The following HPS4 variants were observed in gnomAD, a reference collection of about 807,000 sequenced individuals.
HPS4 encodes HPS4 biogenesis of lysosomal organelles complex 3 subunit 2, also known as BLOC-3 complex member HPS4.
HPS4 carries 44 observed loss-of-function variants against 70.3 expected under a neutral mutation model. The ratio of observed to expected loss-of-function variants is 0.63; its 90% CI spans 0.49 to 0.80. The LOEUF is 0.80. Ranked by LOEUF, HPS4 falls within the 30% of genes least tolerant of loss-of-function variation. The probability of loss-of-function intolerance (pLI) is 0.00; values close to 1 mark genes in which losing one functional copy is unlikely to be tolerated. For synonymous variants in HPS4, 377 were observed against 355.9 expected, an observed-to-expected ratio of 1.06 and a Z score of -0.67; for missense variants, 873 against 884.4, an observed-to-expected ratio of 0.99 and a Z score of 0.16.
chr22:26,458,227 C>G (rs1250943974), intron 12 of HPS4, among the ~76,000 whole-genome samples: 2 of 152,284 alleles, frequency 1.3e-5, no homozygotes, highest in African/African-American at 4.8e-5. Context: ...TCTCAAAACA[C>G]TGGGAAACGC....
At chr22:26,469,079 A>T (rs1436498699) in intron 7 of HPS4, among the ~76,000 whole-genome samples, 1 of 152,116 alleles carries the variant, frequency 6.6e-6, no homozygotes, top group Non-Finnish European at 1.5e-5. Flanking sequence ...ATATATGCAT[A>T]CATGTACCAG....
At chr22:26,471,326 T>C (rs1602007676) in intron 6 of HPS4, 1 of 455,408 alleles carries the variant, frequency 2.2e-6, no homozygotes, top group Middle Eastern at 3.3e-4. Flanking sequence ...ATCATGCTCT[T>C]TCACTCGGGG....
chr22:26,453,478 A>C (rs898667711), intron 13 of HPS4, 74 bp from the exon 14 acceptor site: 1 of 1,542,708 alleles, frequency 6.5e-7, no homozygotes, highest in Non-Finnish European at 8.9e-7. Flanking sequence ...GACCTCAGTA[A>C]GGTTCTTGTC....
At chr22:26,456,415 C>T (rs2086146393) in intron 13 of HPS4, among the ~76,000 whole-genome samples, 1 of 152,212 alleles carries the variant, frequency 6.6e-6, no homozygotes, top group South Asian at 2.1e-4. Context: ...AATCCCAGCA[C>T]TTTGGAAGGC....
Position 26,464,266 on chromosome 22 carries a change from A to C in HPS4, c.1364T>G (p.Ile455Ser). ...DHPGHSSQAPIPRADPLPRRT... is the reference protein window; with the variant it reads ...DHPGHSSQAPSPRADPLPRRT... ...TCTGGGGAGAGGGTCTGCTCTGGGA[A>C]TGGGGGCTTGGCTGCTATGGCCAGG... The change falls in exon 11 of 14, where the codon ATT (isoleucine) becomes AGT (serine). Residue 455 changes from isoleucine (I) to serine (S), a missense_variant. Ile to Ser is a moderately radical substitution (Grantham distance 142). Transcript: ENST00000398145. 6.2e-7 allele frequency: 1 copy of C among 1,614,112 alleles called. No homozygotes were observed. The highest frequency in any genetic ancestry group is 8.5e-7 in the Non-Finnish European group (1 of 1,180,000).
chr22:26,458,807 T>G (rs2086691395), intron 11 of HPS4, among the ~76,000 whole-genome samples: 1 of 145,420 alleles, frequency 6.9e-6, no homozygotes, highest in Admixed American at 7.0e-5. Context: ...GGTGATAGAG[T>G]GAGACTCTGT....
intron 3 of HPS4, among the ~76,000 whole-genome samples, chr22:26,478,648 T>C (rs5752332): frequency 0.11 from 17,153 of 151,678 alleles, 1,193 homozygotes; most frequent in Non-Finnish European, 0.16. Context: ...TCATGATACT[T>C]GCCTCTCTGT....
In HPS4 at chr22:26,458,654, T is replaced by A. The variant is rs560681727; in HGVS notation, c.1714-77A>T. On this transcript the variant is annotated intron_variant, in intron 11 of 13. Transcript: ENST00000398145. ...TCTGAGGGCTAGTTAACCACAGACT[T>A]AGTTAAAAAAAAAATCCTCCAGCCA... is the stretch of plus-strand genomic sequence containing the variant. 1.3e-4 allele frequency: 197 copies of A among 1,558,016 alleles called. 1 individual carries two copies. The highest frequency in any genetic ancestry group is 1.2e-3 in the Middle Eastern group (7 of 5,836).
chr22:26,462,540 G>C (rs992096062), intron 11 of HPS4, among the ~76,000 whole-genome samples: 1 of 152,214 alleles, frequency 6.6e-6, no homozygotes, highest in African/African-American at 2.4e-5. Flanking sequence ...CGAGAGATGC[G>C]AAGTATTTCA....
At chr22:26,465,607 G>A (rs1601925312) in intron 9 of HPS4, 56 bp from the exon 10 acceptor site, 2 of 1,406,536 alleles carry the variant, frequency 1.4e-6, no homozygotes, top group East Asian at 2.3e-5. Context: ...GAGGGCAGCG[G>A]GGCAATAGCT....
exon 4 of HPS4, chr22:26,444,606 C>T (rs548899640): frequency 7.2e-5 from 11 of 152,250 alleles, no homozygotes; most frequent in Middle Eastern, 6.8e-3. Flanking sequence ...TTTATAAAGC[C>T]GAGGAGTGGT....
intron 3 of HPS4, 74 bp downstream of exon 3, chr22:26,479,191 C>A: frequency 7.0e-7 from 1 of 1,423,858 alleles, no homozygotes; most frequent in Non-Finnish European, 9.9e-7. Flanking sequence ...CTAATGTAAA[C>A]CCCATACTTT....
intron 4 of HPS4, chr22:26,476,297 G>A (rs2090534210): frequency 6.6e-6 from 1 of 151,826 alleles, no homozygotes; most frequent in Non-Finnish European, 1.5e-5. Flanking sequence ...ATGTAGCCAT[G>A]GGAAACAGCA....
At chr22:26,462,058 G>A (rs954295712) in intron 11 of HPS4, among the ~76,000 whole-genome samples, 1 of 151,676 alleles carries the variant, frequency 6.6e-6, no homozygotes, top group Non-Finnish European at 1.5e-5. Flanking sequence ...CCGGGGAGGC[G>A]GAGGTTGCAG....
intron 2 of HPS4, chr22:26,479,588 G>C: frequency 7.4e-7 from 1 of 1,352,200 alleles, no homozygotes; most frequent in Non-Finnish European, 9.5e-7. Flanking sequence ...CCATCTGCCG[G>C]AGAAGACACG....
At chr22:26,472,991 A>G (rs1432202404) in intron 4 of HPS4, 52 bp from the exon 5 acceptor site, 1 of 1,530,214 alleles carries the variant, frequency 6.5e-7, no homozygotes, top group Non-Finnish European at 9.1e-7. Context: ...TTTGAGTCCA[A>G]GCCCAGAATC....
chr22:26,469,152 AGAGT>A (rs2089298084), intron 7 of HPS4, among the ~76,000 whole-genome samples: 1 of 152,130 alleles, frequency 6.6e-6, no homozygotes, highest in Non-Finnish European at 1.5e-5. Context: ...GGACAGGTTA[AGAGT>A]GAGGGAGAGG....
Position 26,472,432 on chromosome 22 carries a change from A to C in HPS4, c.385-14T>G. 1 of 1,482,772 alleles carries C rather than the reference A, an allele frequency of 6.7e-7. No individual in the cohort carries two copies. The highest frequency in any genetic ancestry group is 1.1e-5 in the South Asian group (1 of 88,384). 91.9% of individuals were successfully genotyped at this position (1,482,772 alleles called of 1,614,324 possible). A position where few individuals can be genotyped will look rare whatever the true frequency, so the allele number is the denominator to read the frequency against. Reference sequence around the variant, plus strand: ...CTGAGAACAGTTCTAAAACAGAAAGAGCCTCAGGTCAATATCTGAGATTTT... The same window carrying C: ...CTGAGAACAGTTCTAAAACAGAAAGCGCCTCAGGTCAATATCTGAGATTTT... On this transcript the variant is annotated splice_polypyrimidine_tract_variant and intron_variant, in intron 5 of 13. Transcript: ENST00000398145.
chr22:26,470,600 G>A (rs915291175), intron 7 of HPS4, 119 bp downstream of exon 7: 26 of 953,362 alleles, frequency 2.7e-5, no homozygotes, highest in South Asian at 1.4e-4. Flanking sequence ...GATATTTGCC[G>A]AACCAGCCCA....
Sources: allele counts gnomAD v4.1 joint callset (sites outside exome capture counted in the v4.1 genomes callset), GRCh38; gene constraint gnomAD v4.1.1; transcripts MANE v1.5; gene names NCBI Gene and HGNC (gene_info 2026-07-23, HGNC 2026-07-21).